The following DPY19L3 variants were observed in gnomAD, a reference collection of about 807,000 sequenced individuals.
The protein encoded by DPY19L3 is dpy-19 like C-mannosyltransferase 3, also known as protein C-mannosyl-transferase DPY19L3.
Under a neutral mutation model 92.3 loss-of-function variants are expected in DPY19L3, and 51 were observed. The observed-to-expected ratio is 0.55, with a 90% CI of 0.44 to 0.70. The LOEUF is 0.70. DPY19L3 is among the 30% of genes least tolerant of loss of function. DPY19L3 has a pLI of 0.00. For synonymous variants in DPY19L3, 309 were observed against 315.2 expected, an observed-to-expected ratio of 0.98 and a Z score of 0.21; for missense variants, 706 against 855.9, an observed-to-expected ratio of 0.82 and a Z score of 2.18.
chr19:32,433,146 A>C (rs1969024811), intron 4 of DPY19L3, among the ~76,000 whole-genome samples: 1 of 152,202 alleles, frequency 6.6e-6, no homozygotes, highest in Non-Finnish European at 1.5e-5. Flanking sequence ...TTGGTAACAC[A>C]AATGAAAATT....
Position 32,453,201 on chromosome 19 carries a change from G to C in DPY19L3, c.912G>C (p.Gln304His). 6.2e-7 allele frequency: 1 copy of C among 1,614,036 alleles called. No individual in the cohort carries two copies. Residue 304 changes from glutamine to histidine, a missense_variant, in exon 9 of 19, where the codon CAG becomes CAC. By Grantham distance (24) the Gln-to-His change is conservative. Transcript: ENST00000392250. ...ITSLLLVCIL[Q>H]FFNSMILGSL... ...GTTTACTCCTGGTCTGCATTCTTCA[G>C]TTTTTTAATTCCATGATTCTTGGAT...
At chr19:32,468,399 ATTC>A in intron 15 of DPY19L3, 1 of 1,021,634 alleles carries the variant, frequency 9.8e-7, no homozygotes. Flanking sequence ...CATGGTTGGC[ATTC>A]TTGTCATGTC....
intron 8 of DPY19L3, among the ~76,000 whole-genome samples, chr19:32,441,409 C>T (rs1032941435): frequency 6.6e-6 from 1 of 151,528 alleles, no homozygotes. Context: ...AGTAAAGTAT[C>T]AACAGTCAGC....
chr19:32,437,650 G>C (rs534770139), intron 6 of DPY19L3, among the ~76,000 whole-genome samples: 2 of 151,896 alleles, frequency 1.3e-5, no homozygotes, highest in East Asian at 3.9e-4. Flanking sequence ...TCTCTTAAAG[G>C]GTTTTTTTAA....
chr19:32,421,802 C>T (rs1274667064), intron 3 of DPY19L3, among the ~76,000 whole-genome samples: 1 of 151,922 alleles, frequency 6.6e-6, no homozygotes, highest in African/African-American at 2.4e-5. Context: ...ATCTTGGATC[C>T]ACTCTGCTAT....
intron 12 of DPY19L3, among the ~76,000 whole-genome samples, chr19:32,460,914 G>A (rs572736502): frequency 1.7e-4 from 26 of 152,074 alleles, no homozygotes; most frequent in African/African-American, 6.0e-4. Context: ...TGCCTGGGCT[G>A]GAGTGCAGTG....
intron 4 of DPY19L3, among the ~76,000 whole-genome samples, chr19:32,434,009 G>A (rs918838925): frequency 2.6e-5 from 4 of 152,078 alleles, no homozygotes; most frequent in African/African-American, 4.8e-5. Flanking sequence ...AAACCTTCTC[G>A]TTAATTGTTT....
intron 3 of DPY19L3, among the ~76,000 whole-genome samples, chr19:32,430,468 G>C (rs1968922505): frequency 1.3e-5 from 2 of 152,066 alleles, no homozygotes; most frequent in Non-Finnish European, 2.9e-5. Flanking sequence ...TCTGTGAAAG[G>C]AAGTTCAATA....
At chr19:32,470,445 G>A (rs935756327) in intron 16 of DPY19L3, among the ~76,000 whole-genome samples, 21 of 152,156 alleles carry the variant, frequency 1.4e-4, no homozygotes, top group African/African-American at 4.8e-4. Flanking sequence ...TGGGTCTTCC[G>A]GATCTCCTTA....
At chr19:32,435,003 G>A (rs955498062) in intron 4 of DPY19L3, among the ~76,000 whole-genome samples, 5 of 152,122 alleles carry the variant, frequency 3.3e-5, no homozygotes, top group African/African-American at 9.7e-5. Flanking sequence ...CACAGACTGC[G>A]TGGCTTAAAC....
chr19:32,440,330 C>T (rs1031239372), intron 8 of DPY19L3, among the ~76,000 whole-genome samples: 1 of 152,114 alleles, frequency 6.6e-6, no homozygotes, highest in African/African-American at 2.4e-5. Context: ...ATGTGAATCC[C>T]TGTTGACTGG....
chr19:32,418,708 G>A (rs1198798908), intron 3 of DPY19L3, among the ~76,000 whole-genome samples: 2 of 151,988 alleles, frequency 1.3e-5, no homozygotes, highest in African/African-American at 2.4e-5. Context: ...CTGTTTTGGG[G>A]TTATAACTTT....
At position 32,419,984 on chromosome 19, in the gene DPY19L3, CG is replaced by C. The variant is rs1271529520; in HGVS notation, c.237+8613del. ...ACACGGTTCTCCTGCCTCAGCCTCC[CG>C]AGTAACTGGGATTACAGGCAGGCAC... On this transcript the variant is annotated intron_variant, in intron 3 of 18. Transcript: ENST00000392250. Among the ~76,000 whole-genome samples the C allele has an allele frequency of 9.2e-5, 14 of 151,396 alleles. 1 individual carries two copies. The highest frequency in any genetic ancestry group is 9.2e-4 in the Admixed American group (14 of 15,188).
At chr19:32,462,221 T>C (rs1392924904) in intron 12 of DPY19L3, among the ~76,000 whole-genome samples, 1 of 152,128 alleles carries the variant, frequency 6.6e-6, no homozygotes, top group Non-Finnish European at 1.5e-5. Flanking sequence ...TTATTAGTAG[T>C]TTAGTAGCTG....
At chr19:32,411,704 A>G (rs1599582598) in intron 3 of DPY19L3, 2 of 310,318 alleles carry the variant, frequency 6.4e-6, no homozygotes, top group African/African-American at 2.2e-5. Flanking sequence ...AGTAGCTGGG[A>G]CTATAGGTGC....
At chr19:32,481,360 C>CAG (rs1159540147) in intron 18 of DPY19L3, 5 of 152,002 alleles carry the variant, frequency 3.3e-5, no homozygotes, top group African/African-American at 1.2e-4. Flanking sequence ...TGGTACAGAC[C>CAG]AGAGACATCC....
rs1006023265 is a variant in DPY19L3, at chr19:32,484,240, C to G, written c.*2000C>G. The G allele has an allele frequency of 2.0e-5, 3 of 152,598 alleles. No individual in the cohort carries two copies. The highest frequency in any genetic ancestry group is 7.2e-5 in the African/African-American group (3 of 41,452). The allele number at this position is 152,598 out of a possible 1,614,324, so 9.5% of individuals were successfully genotyped here. ...ACAGAATCCATACTTAACACTCTTT[C>G]CAAGACACTGTGACCATGTACAGTA... On this transcript the variant is annotated 3_prime_UTR_variant, in exon 19 of 19. Transcript: ENST00000392250.
At chr19:32,423,252 A>G (rs1968634921) in intron 3 of DPY19L3, among the ~76,000 whole-genome samples, 1 of 152,000 alleles carries the variant, frequency 6.6e-6, no homozygotes, top group South Asian at 2.1e-4. Context: ...TTATTTATTT[A>G]TTTATGAAAC....
chr19:32,463,278 C>A (rs999906247), intron 12 of DPY19L3, 88 bp from the exon 13 acceptor site: 10 of 1,370,900 alleles, frequency 7.3e-6, no homozygotes, highest in Middle Eastern at 2.2e-4. Flanking sequence ...TACATAAAGG[C>A]ATACATTTCT....
Sources: allele counts gnomAD v4.1 joint callset (sites outside exome capture counted in the v4.1 genomes callset), GRCh38; gene constraint gnomAD v4.1.1; transcripts MANE v1.5; gene names NCBI Gene and HGNC (gene_info 2026-07-23, HGNC 2026-07-21).